The following RBKS variants were observed in gnomAD, a reference collection of about 807,000 sequenced individuals.
RBKS encodes ribokinase.
A neutral mutation model predicts 33.9 loss-of-function variants in RBKS; 33 were observed. The observed-to-expected ratio is 0.97, with a 90% CI of 0.74 to 1.30. RBKS has a LOEUF of 1.30. Ranked by LOEUF, RBKS falls within the 50% of genes most tolerant of loss-of-function variation. The pLI is 0.00. For synonymous variants in RBKS, 125 were observed against 143.0 expected (o/e 0.87, Z 0.90); for missense variants, 361 against 392.6 (o/e 0.92, Z 0.68).
At chr2:27,842,974 A>T (rs1663541573) in intron 5 of RBKS, 93 bp downstream of exon 5, 1 of 893,610 alleles carries the variant, frequency 1.1e-6, no homozygotes, top group South Asian at 2.6e-5. Context: ...TTTACGACAG[A>T]AAGAGTATTG....
intron 7 of RBKS, among the ~76,000 whole-genome samples, chr2:27,794,881 C>G (rs554593048): frequency 4.0e-4 from 61 of 152,154 alleles, no homozygotes; most frequent in Non-Finnish European, 7.6e-4. Flanking sequence ...GCCTCGGCCT[C>G]CCAAAGTGCT....
intron 3 of RBKS, among the ~76,000 whole-genome samples, chr2:27,847,482 TTTGA>T (rs1189600566): frequency 6.6e-6 from 1 of 152,218 alleles, no homozygotes; most frequent in South Asian, 2.1e-4. Flanking sequence ...AATGAACTTG[TTTGA>T]TTATTTTCAT....
At chr2:27,819,562 C>G (rs1007616047) in intron 7 of RBKS, among the ~76,000 whole-genome samples, 3 of 152,188 alleles carry the variant, frequency 2.0e-5, no homozygotes, top group Admixed American at 2.0e-4. Flanking sequence ...AAACATGAGG[C>G]ATCACCTATT....
At chr2:27,809,788 T>C (rs1277550108) in intron 7 of RBKS, 1 of 444,180 alleles carries the variant, frequency 2.3e-6, no homozygotes, top group Admixed American at 4.1e-5. Context: ...TGCTAAATAA[T>C]ACAGAGCTAC....
rs1677964315 is a variant in RBKS, at chr2:27,810,176, A to C, written c.795+17391T>G. 8.6e-7 allele frequency: 1 copy of C among 1,167,884 alleles called. No homozygotes were observed. Among genetic ancestry groups the C allele is most frequent in the South Asian group, 1.4e-5 (1 of 69,328 alleles). 72.3% of individuals were successfully genotyped at this position (1,167,884 alleles called of 1,614,324 possible). Reference sequence around the variant, plus strand: ...CCTGGTATATTTGTCTACACAACCCAAATTCGTCATATACTGGCTGATTTG... The same window carrying C: ...CCTGGTATATTTGTCTACACAACCCCAATTCGTCATATACTGGCTGATTTG... On this transcript the variant is annotated intron_variant, in intron 7 of 7. Coordinates refer to ENST00000302188, the MANE Select transcript of RBKS (RefSeq NM_022128.3). This position sits in a 1 kb window ranked among gnomAD's most constrained non-coding sequence, Gnocchi z 4.4.
chr2:27,793,526 G>A (rs146641028), intron 7 of RBKS, among the ~76,000 whole-genome samples: 37 of 152,270 alleles, frequency 2.4e-4, no homozygotes, highest in Non-Finnish European at 4.6e-4. Context: ...CCTCAAATGC[G>A]TAAGACAGAC....
At chr2:27,885,953 G>A (rs746560760) in intron 1 of RBKS, among the ~76,000 whole-genome samples, 6 of 152,184 alleles carry the variant, frequency 3.9e-5, no homozygotes, top group Non-Finnish European at 7.3e-5. Flanking sequence ...TGAGCCTAAC[G>A]TCTAAAAATA....
chr2:27,882,907 C>T (rs1664446398), intron 1 of RBKS, among the ~76,000 whole-genome samples: 1 of 152,024 alleles, frequency 6.6e-6, no homozygotes, highest in Non-Finnish European at 1.5e-5. Flanking sequence ...AAGTGAACAA[C>T]ACACACTGGG....
At chr2:27,876,929 G>A (rs906226057) in intron 1 of RBKS, among the ~76,000 whole-genome samples, 3 of 151,930 alleles carry the variant, frequency 2.0e-5, no homozygotes, top group African/African-American at 7.3e-5. Context: ...CAAGGAAATC[G>A]GTCCTTACTA....
chr2:27,861,662 T>C (rs904931047), intron 1 of RBKS: 6 of 321,176 alleles, frequency 1.9e-5, no homozygotes, highest in African/African-American at 7.4e-5. Flanking sequence ...CCATTTCTTT[T>C]TGGGGGGGGG....
intron 7 of RBKS, among the ~76,000 whole-genome samples, chr2:27,813,521 A>G (rs1363604557): frequency 6.6e-6 from 1 of 152,190 alleles, no homozygotes; most frequent in Non-Finnish European, 1.5e-5. Context: ...GGCTAAGAAG[A>G]CAATTAATGA....
intron 5 of RBKS, among the ~76,000 whole-genome samples, chr2:27,842,099 A>G (rs1663524342): frequency 6.6e-6 from 1 of 152,228 alleles, no homozygotes; most frequent in Non-Finnish European, 1.5e-5. Context: ...GCTCAGACAA[A>G]TCAGGTAATT....
rs544368340 is a variant in RBKS, at chr2:27,854,483, C to T, written c.222+3956G>A. 1.3e-5 allele frequency among the ~76,000 whole-genome samples: 2 copies of T among 152,314 alleles called. 1 individual carries two copies. The highest frequency in any genetic ancestry group is 4.1e-4 in the South Asian group (2 of 4,826). ...CTGGCTGAAAAGAGGAAAGTGACCT[C>T]TAGTTGCTCTCACTGCTCATTAGCA... is the stretch of plus-strand genomic sequence containing the variant. On this transcript the variant is annotated intron_variant, in intron 2 of 7. Coordinates refer to ENST00000302188, the MANE Select transcript of RBKS (RefSeq NM_022128.3).
intron 7 of RBKS, among the ~76,000 whole-genome samples, chr2:27,798,117 T>C (rs752407602): frequency 3.3e-5 from 5 of 151,984 alleles, no homozygotes; most frequent in Admixed American, 6.6e-5. Context: ...CATGACAGCA[T>C]TGGGACAGAG....
chr2:27,834,513 C>T (rs1021570763), intron 5 of RBKS, among the ~76,000 whole-genome samples: 4 of 152,148 alleles, frequency 2.6e-5, no homozygotes, highest in African/African-American at 9.7e-5. Flanking sequence ...GCCTGTCTAC[C>T]CATCTCTTCT....
intron 7 of RBKS, among the ~76,000 whole-genome samples, chr2:27,817,392 T>A (rs1678114081): frequency 6.6e-6 from 1 of 152,230 alleles, no homozygotes; most frequent in Admixed American, 6.5e-5. Flanking sequence ...CTCCTCCAGG[T>A]TTGATCATTC....
intron 7 of RBKS, among the ~76,000 whole-genome samples, chr2:27,802,465 C>A (rs1455658699): frequency 1.3e-5 from 2 of 150,282 alleles, no homozygotes; most frequent in African/African-American, 4.9e-5. Flanking sequence ...TATGTGTGTA[C>A]GTGGTATAAA....
At chr2:27,789,634 G>A (rs1469758745) in intron 7 of RBKS, among the ~76,000 whole-genome samples, 2 of 151,802 alleles carry the variant, frequency 1.3e-5, no homozygotes, top group Non-Finnish European at 2.9e-5. Context: ...GTGCTGTCTT[G>A]ACTCACTGTA....
rs976109483 is a variant in RBKS at position 27,789,650 on chromosome 2, C to T, written c.796-7862G>A. Reference sequence around the variant, plus strand: ...TGCTGTCTTGACTCACTGTAACTTCCGCCTCCTAGGTTCAAGCAATTCTCC... The same window carrying T: ...TGCTGTCTTGACTCACTGTAACTTCTGCCTCCTAGGTTCAAGCAATTCTCC... On this transcript the variant is annotated intron_variant, in intron 7 of 7. Coordinates refer to ENST00000302188, the MANE Select transcript of RBKS (RefSeq NM_022128.3). Among the ~76,000 whole-genome samples, 15 of 151,808 alleles carry T rather than the reference C, an allele frequency of 9.9e-5. No individual in the cohort carries two copies. The East Asian group carries it at 1.4e-3, about 14-fold the overall frequency.
Sources: gnomAD v4.1 joint callset for allele counts (sites outside exome capture counted in the v4.1 genomes callset) on GRCh38, gnomAD v4.1.1 for gene constraint, Gnocchi (gnomAD v3.1) non-coding constraint, MANE v1.5 for transcripts, NCBI Gene and HGNC (gene_info 2026-07-23, HGNC 2026-07-21) for gene names.